Variants in NCAM2 observed in about 807,000 individuals in gnomAD.
NCAM2 encodes the protein N-CAM-2.
NCAM2 carries 30 observed loss-of-function variants against 98.1 expected under a neutral mutation model. The observed-to-expected ratio is 0.31, with a 90% CI of 0.23 to 0.41. The LOEUF (loss-of-function observed/expected upper bound fraction) is 0.41, where lower values mean the gene tolerates loss of function less well. Among genes scored for constraint, NCAM2 ranks in the 10% least tolerant of loss-of-function variants. The pLI is 1.00. For synonymous variants in NCAM2, 368 were observed against 342.4 expected (o/e 1.07, Z -0.83); for missense variants, 867 against 1,005.8 (o/e 0.86, Z 1.87).
chr21:21,019,404 A>AGCAC (rs1435518225), intron 1 of NCAM2, among the ~76,000 whole-genome samples: 3 of 152,228 alleles, frequency 2.0e-5, no homozygotes, highest in African/African-American at 7.2e-5. Flanking sequence ...ATGATTAAAC[A>AGCAC]GCACGGAGTT....
At chr21:21,234,703 C>A (rs1291990979) in intron 1 of NCAM2, among the ~76,000 whole-genome samples, 1 of 151,928 alleles carries the variant, frequency 6.6e-6, no homozygotes, top group Non-Finnish European at 1.5e-5. Context: ...TTAACCCAAG[C>A]TTTTCCTCTG....
chr21:21,212,742 CTTT>C (rs34111265), intron 1 of NCAM2, among the ~76,000 whole-genome samples: 1 of 124,730 alleles, frequency 8.0e-6, no homozygotes, highest in Non-Finnish European at 1.6e-5. Context: ...ATTATCTGTG[CTTT>C]TTTTTTTTTT....
chr21:21,440,986 G>C (rs1979175747), intron 12 of NCAM2, among the ~76,000 whole-genome samples: 1 of 151,960 alleles, frequency 6.6e-6, no homozygotes. Context: ...GAATTAGCAG[G>C]GTTTCAAATA....
At chr21:21,535,494 ATGT>A (rs760446441) in intron 17 of NCAM2, among the ~76,000 whole-genome samples, 9 of 152,094 alleles carry the variant, frequency 5.9e-5, no homozygotes, top group South Asian at 4.1e-4. Flanking sequence ...CAAAGAAAAA[ATGT>A]TGTCACAGAT....
intron 1 of NCAM2, among the ~76,000 whole-genome samples, chr21:21,161,831 CA>C (rs1383392847): frequency 6.6e-6 from 1 of 151,838 alleles, no homozygotes; most frequent in Non-Finnish European, 1.5e-5. Flanking sequence ...GCAGTCGGGC[CA>C]GGGGAAGGCT....
At chr21:21,179,183 A>G (rs887051520) in intron 1 of NCAM2, among the ~76,000 whole-genome samples, 1 of 152,160 alleles carries the variant, frequency 6.6e-6, no homozygotes, top group Non-Finnish European at 1.5e-5. Context: ...CATTCTAATG[A>G]ATGAATGAAT....
At chr21:21,299,288 A>T (rs1318846932) in intron 5 of NCAM2, among the ~76,000 whole-genome samples, 1 of 148,564 alleles carries the variant, frequency 6.7e-6, no homozygotes, top group African/African-American at 2.5e-5. Context: ...CAGTATCACC[A>T]CTATCTCTTG....
At chr21:21,410,797 A>G (rs1402876991) in intron 10 of NCAM2, among the ~76,000 whole-genome samples, 1 of 151,064 alleles carries the variant, frequency 6.6e-6, no homozygotes, top group Non-Finnish European at 1.5e-5. Flanking sequence ...TCACAAGGTC[A>G]GGAGACTGAG....
At chr21:21,461,020 A>C (rs1982896152) in intron 12 of NCAM2, among the ~76,000 whole-genome samples, 1 of 151,870 alleles carries the variant, frequency 6.6e-6, no homozygotes, top group African/African-American at 2.4e-5. Flanking sequence ...GAGTGAAAAA[A>C]TTTAGCAATT....
chr21:21,505,122 A>G (rs1987900078), intron 15 of NCAM2, among the ~76,000 whole-genome samples: 1 of 152,082 alleles, frequency 6.6e-6, no homozygotes, highest in African/African-American at 2.4e-5. Flanking sequence ...GCAACCTACG[A>G]TTGTAATAAG....
chr21:21,321,429 C>T (rs372797368), intron 5 of NCAM2, among the ~76,000 whole-genome samples: 4 of 151,794 alleles, frequency 2.6e-5, no homozygotes, highest in Non-Finnish European at 4.4e-5. Flanking sequence ...AGGTCCCACT[C>T]GTCAATTTTT....
intron 16 of NCAM2, among the ~76,000 whole-genome samples, chr21:21,530,328 T>TA (rs1569142239): frequency 4.2e-5 from 1 of 24,068 alleles, no homozygotes; most frequent in African/African-American, 1.8e-4. Context: ...TTAAATTAAA[T>TA]TAAATTATAC....
chr21:21,004,872 A>G (rs1216769237), intron 1 of NCAM2, among the ~76,000 whole-genome samples: 1 of 152,192 alleles, frequency 6.6e-6, no homozygotes, highest in Admixed American at 6.5e-5. Context: ...GGACATGTCC[A>G]AAGCCTAGCC....
chr21:21,114,966 G>T lies in NCAM2; in HGVS notation c.55+116348G>T, dbSNP rs149976896. ...CTCCATAGTAGCTGGGATTACAGGC[G>T]CCTGCCACCACGCCCAGCTAAGTTT... On this transcript the variant is annotated intron_variant, in intron 1 of 17. Transcript: ENST00000400546. Among the ~76,000 whole-genome samples, 888 of 151,968 alleles carry T rather than the reference G, an allele frequency of 5.8e-3. 11 individuals carry two copies. The highest frequency in any genetic ancestry group is 0.02 in the African/African-American group (846 of 41,464).
chr21:21,454,103 T>C (rs991606635), intron 12 of NCAM2, among the ~76,000 whole-genome samples: 2 of 152,088 alleles, frequency 1.3e-5, no homozygotes, highest in African/African-American at 4.8e-5. Context: ...TTTCTAAATA[T>C]ATATATAGAC....
chr21:21,397,728 G>A (rs570758758), intron 9 of NCAM2, among the ~76,000 whole-genome samples: 104 of 152,340 alleles, frequency 6.8e-4, no homozygotes, highest in African/African-American at 2.4e-3. Context: ...CCACCTACTC[G>A]GTAGGAGGCA....
At chr21:21,370,339 T>A (rs2075887484) in intron 8 of NCAM2, among the ~76,000 whole-genome samples, 1 of 151,886 alleles carries the variant, frequency 6.6e-6, no homozygotes, top group African/African-American at 2.4e-5. Flanking sequence ...GCTAATTTAT[T>A]CCCATTAAAG....
chr21:21,254,180 G>T (rs547615639), intron 1 of NCAM2, among the ~76,000 whole-genome samples: 1 of 152,056 alleles, frequency 6.6e-6, no homozygotes, highest in Non-Finnish European at 1.5e-5. Flanking sequence ...ATCAAAAGCC[G>T]CACTTAGCAC....
chr21:21,293,624 A>C (rs1239827063), intron 5 of NCAM2, among the ~76,000 whole-genome samples: 1 of 148,090 alleles, frequency 6.8e-6, no homozygotes, highest in Non-Finnish European at 1.5e-5. Context: ...GGAAGATTTC[A>C]GTGCATAAAG....
Sources: gnomAD v4.1 joint callset for allele counts (sites outside exome capture counted in the v4.1 genomes callset) on GRCh38, gnomAD v4.1.1 for gene constraint, MANE v1.5 for transcripts, NCBI Gene and HGNC (gene_info 2026-07-23, HGNC 2026-07-21) for gene names.